The following ELP1 variants were observed in gnomAD, a reference collection of about 807,000 sequenced individuals.
The protein encoded by ELP1 is elongator acetyltransferase complex subunit 1.
In ELP1, 131 loss-of-function variants were observed where a neutral mutation model predicts 183.2. The ratio of observed to expected loss-of-function variants is 0.72; its 90% confidence interval spans 0.62 to 0.83. The LOEUF is 0.83. Among genes scored for constraint, ELP1 ranks in the 40% least tolerant of loss-of-function variants. The pLI, the probability that ELP1 is intolerant of heterozygous loss-of-function variation, is 0.00. For synonymous variants in ELP1, 555 were observed against 569.0 expected (o/e 0.98, Z 0.35); for missense variants, 1,550 against 1,594.9 (o/e 0.97, Z 0.48).
intron 14 of ELP1, among the ~76,000 whole-genome samples, chr9:108,905,510 A>C (rs1433816154): frequency 6.6e-6 from 1 of 152,244 alleles, no homozygotes; most frequent in African/African-American, 2.4e-5. Context: ...GCAAAGAAGA[A>C]TAGAGACTTT....
intron 29 of ELP1, among the ~76,000 whole-genome samples, chr9:108,886,338 A>G (rs1354456733): frequency 6.6e-6 from 1 of 152,224 alleles, no homozygotes; most frequent in African/African-American, 2.4e-5. Context: ...CCTCAATGAC[A>G]GCAGCATTAT....
intron 8 of ELP1, among the ~76,000 whole-genome samples, chr9:108,918,364 C>T (rs1385077460): frequency 6.6e-6 from 1 of 152,176 alleles, no homozygotes; most frequent in African/African-American, 2.4e-5. Flanking sequence ...CCTGCATGCT[C>T]CTTGGCAAGC....
At chr9:108,878,197 A>G in intron 34 of ELP1, 48 bp from the exon 35 acceptor site, 1 of 1,525,952 alleles carries the variant, frequency 6.6e-7, no homozygotes, top group Non-Finnish European at 9.1e-7. Context: ...TCCCAGCTCC[A>G]TTGACAGAAT....
chr9:108,879,677 GA>G (rs1324652928), intron 32 of ELP1, 120 bp from the exon 33 acceptor site: 2 of 738,378 alleles, frequency 2.7e-6, no homozygotes, highest in African/African-American at 3.5e-5. Context: ...GGATGAAAAT[GA>G]TTGCAAAGTT....
At chr9:108,912,240 T>C (rs1026729483) in intron 11 of ELP1, 24 bp downstream of exon 11, 3 of 1,587,686 alleles carry the variant, frequency 1.9e-6, no homozygotes, top group African/African-American at 2.7e-5. Flanking sequence ...TGCAGGCTCA[T>C]GGACACACTT....
intron 6 of ELP1, 44 bp from the exon 7 acceptor site, chr9:108,919,393 T>A (rs776239281): frequency 7.5e-7 from 1 of 1,324,932 alleles, no homozygotes; most frequent in East Asian, 2.3e-5. Context: ...GGACCTTAAG[T>A]ATCCCAGAAT....
At chr9:108,890,898 T>C (rs1828304496) in intron 28 of ELP1, among the ~76,000 whole-genome samples, 2 of 152,052 alleles carry the variant, frequency 1.3e-5, no homozygotes, top group African/African-American at 2.4e-5. Flanking sequence ...TCTCCTTCCT[T>C]CCCCACAGCT....
intron 27 of ELP1, 53 bp downstream of exon 27, chr9:108,892,933 C>T: frequency 1.6e-6 from 2 of 1,256,364 alleles, no homozygotes; most frequent in Non-Finnish European, 2.3e-6. Flanking sequence ...CACTCCTTTC[C>T]TACTAAAGCA....
At chr9:108,869,300 G>C in intron 36 of ELP1, 118 bp from the exon 37 acceptor site, 1 of 858,256 alleles carries the variant, frequency 1.2e-6, no homozygotes, top group Non-Finnish European at 2.0e-6. Context: ...AAGACCATCA[G>C]AGCCAGAGTT....
Position 108,879,476 on chromosome 9 carries a change from T to C in ELP1, c.3542A>G (p.Lys1181Arg), listed in dbSNP as rs367582146. 3.7e-6 allele frequency: 6 copies of C among 1,613,860 alleles called. No homozygotes were observed. In the African/African-American group the frequency reaches 6.7e-5, roughly 18 times the overall value. Residue 1181 changes from lysine to arginine, a missense_variant, in exon 33 of 37, where the codon AAA becomes AGA. Lys to Arg is a conservative substitution (Grantham distance 26). Transcript: ENST00000374647. ...SVVSGSEMSG[K>R]YSHSNSRISA... Reference sequence around the variant, plus strand: ...TATCCTGGAGTTACTATGGGAGTATTTGCCACTCATCTCACTGCCACTCAC... The same window carrying C: ...TATCCTGGAGTTACTATGGGAGTATCTGCCACTCATCTCACTGCCACTCAC...
intron 1 of ELP1, among the ~76,000 whole-genome samples, chr9:108,931,625 C>T (rs942048060): frequency 2.0e-5 from 3 of 152,198 alleles, no homozygotes; most frequent in African/African-American, 4.8e-5. Context: ...TTTTTATATA[C>T]TGGCAGTTGA....
chr9:108,928,408 G>T (rs1331807987), intron 3 of ELP1, among the ~76,000 whole-genome samples: 1 of 152,164 alleles, frequency 6.6e-6, no homozygotes, highest in Non-Finnish European at 1.5e-5. Context: ...ATGACAAGTG[G>T]CCCAAAGTCC....
intron 27 of ELP1, among the ~76,000 whole-genome samples, chr9:108,892,117 A>T (rs1828364996): frequency 6.6e-6 from 1 of 152,180 alleles, no homozygotes; most frequent in Non-Finnish European, 1.5e-5. Flanking sequence ...GGTGGAGGCG[A>T]CAAACCAGCT....
intron 14 of ELP1, among the ~76,000 whole-genome samples, chr9:108,905,835 T>G (rs2132001784): frequency 6.6e-6 from 1 of 150,598 alleles, no homozygotes; most frequent in South Asian, 2.1e-4. Flanking sequence ...CCATGTCAAG[T>G]ATTTGTGTAT....
chr9:108,901,545 C>T lies in ELP1; in HGVS notation c.1909-15G>A, dbSNP rs1302518597. 6.2e-7 allele frequency: 1 copy of T among 1,612,182 alleles called. No individual in the cohort carries two copies. The highest frequency in any genetic ancestry group is 1.3e-5 in the African/African-American group (1 of 74,868). On this transcript the variant is annotated splice_polypyrimidine_tract_variant and intron_variant, in intron 17 of 36. Transcript: ENST00000374647. ...TTTGACGCAACCTGCAAGAGAAGGCCAGAGAGGCATGGGTGAAAGCTAGCT... is the reference window on the plus strand; with the variant it reads ...TTTGACGCAACCTGCAAGAGAAGGCTAGAGAGGCATGGGTGAAAGCTAGCT...
intron 19 of ELP1, 116 bp from the exon 20 acceptor site, chr9:108,900,011 A>T (rs1828706651): frequency 1.1e-6 from 1 of 909,494 alleles, no homozygotes; most frequent in Non-Finnish European, 1.8e-6. Flanking sequence ...TAAAATCAGC[A>T]CACTTTTAGC....
intron 25 of ELP1, 36 bp downstream of exon 25, chr9:108,896,460 A>G: frequency 6.2e-7 from 1 of 1,608,606 alleles, no homozygotes; most frequent in Non-Finnish European, 8.5e-7. Context: ...TATATAAACA[A>G]GAACCAAATG....
chr9:108,913,564 C>T (rs1255512356), intron 10 of ELP1, among the ~76,000 whole-genome samples: 1 of 150,726 alleles, frequency 6.6e-6, no homozygotes, highest in East Asian at 1.9e-4. Flanking sequence ...ATTATTACAA[C>T]ACTTTGAAGT....
In ELP1 at chr9:108,896,554, T is replaced by C; in HGVS notation, c.2678A>G (p.His893Arg). Reference protein sequence around the residue: ...HLVDVNELYDHSLGTYDFDLV... With the variant: ...HLVDVNELYDRSLGTYDFDLV... The stretch of plus-strand genomic sequence containing the variant: ...ATCAAAGTCATAGGTGCCAAGAGAA[T>C]GATCATATAATTCATTAACATCTAC... The change falls in exon 25 of 37, where the codon CAT becomes CGT. Residue 893 changes from histidine (H) to arginine (R), a missense_variant. Physicochemically the swap from His to Arg is conservative, Grantham distance 29 (BLOSUM62 0). Coordinates refer to ENST00000374647, the MANE Select transcript of ELP1 (RefSeq NM_003640.5). 1 of 1,614,094 alleles carries C rather than the reference T, an allele frequency of 6.2e-7. No homozygotes were observed.
Sources: allele counts gnomAD v4.1 joint callset (sites outside exome capture counted in the v4.1 genomes callset), GRCh38; gene constraint gnomAD v4.1.1; transcripts MANE v1.5; gene names NCBI Gene and HGNC (gene_info 2026-07-23, HGNC 2026-07-21).